DAGLB: variants seen among roughly 807,000 people sequenced by gnomAD.
DAGLB encodes the protein diacylglycerol lipase beta.
A neutral mutation model predicts 72.1 loss-of-function variants in DAGLB; 66 were observed. That is an observed-to-expected ratio of 0.92 (90% CI 0.75 to 1.12). The LOEUF is 1.12. DAGLB is among the 50% of genes most tolerant of loss of function. The pLI is 0.00. For missense variants in DAGLB, 1,065 were observed against 884.9 expected, an observed-to-expected ratio of 1.20 and a Z score of -2.58; for synonymous variants, 414 against 359.5, an observed-to-expected ratio of 1.15 and a Z score of -1.71.
chr7:6,440,324 C>T (rs919517718), intron 2 of DAGLB, among the ~76,000 whole-genome samples: 2 of 151,220 alleles, frequency 1.3e-5, no homozygotes, highest in African/African-American at 2.4e-5. Flanking sequence ...GCGGAGGTTG[C>T]GGTGAGCCGA....
intron 2 of DAGLB, among the ~76,000 whole-genome samples, chr7:6,441,137 C>G (rs1330498262): frequency 6.7e-6 from 1 of 149,186 alleles, no homozygotes; most frequent in Non-Finnish European, 1.5e-5. Context: ...GTCGCCCAAG[C>G]TGGAGTGCAG....
chr7:6,421,923 A>C (rs73676742), intron 8 of DAGLB, 119 bp from the exon 9 acceptor site: 12 of 1,140,210 alleles, frequency 1.1e-5, no homozygotes, highest in Non-Finnish European at 1.5e-5. Context: ...ACCATCTCCT[A>C]GTTCGGTCCT....
chr7:6,415,041 G>A (rs1783857434), intron 11 of DAGLB, among the ~76,000 whole-genome samples: 2 of 151,802 alleles, frequency 1.3e-5, no homozygotes, highest in Middle Eastern at 3.4e-3. Flanking sequence ...TGCGCCTATG[G>A]TCCCAGCTAC....
chr7:6,445,924 G>C, intron 2 of DAGLB, 29 bp downstream of exon 2: 1 of 1,557,834 alleles, frequency 6.4e-7, no homozygotes, highest in Non-Finnish European at 8.7e-7. Context: ...TAAAAAAATA[G>C]GTATCAAATA....
chr7:6,416,595 C>A (rs1276162245), intron 11 of DAGLB, 32 bp downstream of exon 11: 2 of 1,561,568 alleles, frequency 1.3e-6, no homozygotes, highest in African/African-American at 2.8e-5. Flanking sequence ...TTGTAAGTAG[C>A]AAGCTGTTAG....
At position 6,417,348 on chromosome 7, in the gene DAGLB, C is replaced by T. The variant is rs562095781; in HGVS notation, c.1219-427G>A. 2.7e-4 allele frequency: 43 copies of T among 159,828 alleles called. No individual in the cohort carries two copies. The Middle Eastern group carries it at 0.013, about 48-fold the overall frequency. The allele number at this position is 159,828 out of a possible 1,614,324, so 9.9% of individuals were successfully genotyped here. A position where few individuals can be genotyped will look rare whatever the true frequency, so the allele number is the denominator to read the frequency against. ...CTGAGGTGGGAGGGTCGCTGGAACA[C>T]ATGAAGTTCAGGCTGCAGTGAGTTA... is the stretch of plus-strand genomic sequence containing the variant. On this transcript the variant is annotated intron_variant, in intron 9 of 14. Coordinates refer to ENST00000297056, the MANE Select transcript of DAGLB (RefSeq NM_139179.4).
chr7:6,431,123 T>TA (rs1784475685), intron 5 of DAGLB, among the ~76,000 whole-genome samples: 3 of 151,340 alleles, frequency 2.0e-5, no homozygotes, highest in Admixed American at 1.3e-4. Context: ...AAGTTAACAG[T>TA]AAAAAACACT....
At position 6,424,771 on chromosome 7, in the gene DAGLB, C is replaced by G. The variant is rs147821971; in HGVS notation, c.1121G>C (p.Arg374Thr). 1 of 1,613,832 alleles carries G rather than the reference C, an allele frequency of 6.2e-7. No individual in the cohort carries two copies. Among genetic ancestry groups the G allele is most frequent in the Non-Finnish European group, 8.5e-7 (1 of 1,179,858 alleles). ...CGTTACCTGCAGAGACATGGTCCCCCTCACAGCGACCACAACAGACTCTTT... is the reference window on the plus strand; with the variant it reads ...CGTTACCTGCAGAGACATGGTCCCCGTCACAGCGACCACAACAGACTCTTT... ...HRKESVVVAVRGTMSLQDVLT... is the reference protein window; with the variant it reads ...HRKESVVVAVTGTMSLQDVLT... The change falls in exon 8 of 15, where the codon AGG becomes ACG. Residue 374 changes from arginine (R) to threonine (T), a missense_variant. Physicochemically the swap from Arg to Thr is moderately conservative, Grantham distance 71 (BLOSUM62 -1). Coordinates refer to ENST00000297056, the MANE Select transcript of DAGLB (RefSeq NM_139179.4).
At chr7:6,428,111 C>T (rs1784367725) in intron 6 of DAGLB, among the ~76,000 whole-genome samples, 1 of 151,942 alleles carries the variant, frequency 6.6e-6, no homozygotes, top group Non-Finnish European at 1.5e-5. Flanking sequence ...CTTTGGGAGG[C>T]CAAGGCGAGT....
intron 3 of DAGLB, 32 bp downstream of exon 3, chr7:6,436,330 C>T (rs375349292): frequency 1.3e-6 from 2 of 1,584,574 alleles, no homozygotes; most frequent in Non-Finnish European, 1.7e-6. Flanking sequence ...CTCAAATCCA[C>T]TGAAACTCAA....
At chr7:6,415,304 A>G (rs1783870294) in intron 11 of DAGLB, among the ~76,000 whole-genome samples, 1 of 152,126 alleles carries the variant, frequency 6.6e-6, no homozygotes, top group Non-Finnish European at 1.5e-5. Context: ...AAGCACTTAT[A>G]CATTCTCCTG....
intron 13 of DAGLB, among the ~76,000 whole-genome samples, chr7:6,412,261 C>T (rs1365383316): frequency 6.6e-6 from 1 of 152,130 alleles, no homozygotes; most frequent in Non-Finnish European, 1.5e-5. Flanking sequence ...TTGACGTGGA[C>T]ATATATCACC....
intron 8 of DAGLB, chr7:6,422,936 C>CT (rs1244101634): frequency 1.3e-5 from 2 of 152,296 alleles, no homozygotes; most frequent in Admixed American, 6.5e-5. Flanking sequence ...TGGGAAGCCA[C>CT]TGGAGGTATC....
intron 1 of DAGLB, 71 bp from the exon 2 acceptor site, chr7:6,446,175 G>A (rs1030725744): frequency 1.9e-5 from 29 of 1,488,828 alleles, no homozygotes; most frequent in Admixed American, 1.4e-4. Context: ...ATGATACAAA[G>A]AAATAAAAGG....
At chr7:6,441,095 T>C (rs900803205) in intron 2 of DAGLB, among the ~76,000 whole-genome samples, 172 of 149,326 alleles carry the variant, frequency 1.2e-3, no homozygotes, top group Middle Eastern at 3.5e-3. Flanking sequence ...ACTGACAATT[T>C]TTTTTTTTTT....
intron 6 of DAGLB, among the ~76,000 whole-genome samples, chr7:6,429,544 T>C (rs1451729144): frequency 1.3e-5 from 2 of 151,370 alleles, no homozygotes; most frequent in East Asian, 3.9e-4. Context: ...GGCAGATCAC[T>C]TGAGGTCAGG....
intron 11 of DAGLB, 174 bp downstream of exon 11, chr7:6,416,453 G>T: frequency 2.3e-6 from 2 of 881,508 alleles, no homozygotes; most frequent in Non-Finnish European, 3.2e-6. Context: ...TGAGGCAGAA[G>T]AACCGCCTGA....
At position 6,447,798 on chromosome 7, in the gene DAGLB, G is replaced by C; in HGVS notation, c.45C>G (p.Ser15Arg). The C allele has an allele frequency of 6.2e-7, 1 of 1,613,436 alleles. No homozygotes were observed. The highest frequency in any genetic ancestry group is 8.5e-7 in the Non-Finnish European group (1 of 1,179,776). The change falls in exon 1 of 15, where the codon AGC becomes AGG. Residue 15 changes from serine (S) to arginine (R), a missense_variant. By Grantham distance (110) the Ser-to-Arg change is moderately radical. Coordinates refer to ENST00000297056, the MANE Select transcript of DAGLB (RefSeq NM_139179.4). ...VLFGRRWAIA[S>R]DDLVFPGFFE... ...AGAACCCTGGGAAGACCAAGTCGTC[G>C]CTGGCGATGGCCCAGCGCCGGCCGA... is the stretch of plus-strand genomic sequence containing the variant.
intron 9 of DAGLB, among the ~76,000 whole-genome samples, chr7:6,420,840 C>A (rs1243928198): frequency 6.6e-6 from 1 of 152,196 alleles, no homozygotes. Context: ...GCACAGTGAG[C>A]ATGAAACTGT....
Sources: gnomAD v4.1 joint callset for allele counts (sites outside exome capture counted in the v4.1 genomes callset) on GRCh38, gnomAD v4.1.1 for gene constraint, MANE v1.5 for transcripts, NCBI Gene and HGNC (gene_info 2026-07-23, HGNC 2026-07-21) for gene names.